The following RBBP7 variants were observed in gnomAD, a reference collection of about 807,000 sequenced individuals.
RBBP7 encodes RB binding protein 7, chromatin remodeling factor.
RBBP7 carries 5 observed loss-of-function variants against 35.2 expected under a neutral mutation model. The ratio of observed to expected loss-of-function variants is 0.14; its 90% confidence interval spans 0.07 to 0.30. RBBP7 has a LOEUF of 0.30. Among genes scored for constraint, RBBP7 ranks in the 10% least tolerant of loss-of-function variants. The pLI, the probability that RBBP7 is intolerant of heterozygous loss-of-function variation, is 1.00. For missense variants in RBBP7, 155 were observed against 327.5 expected, an observed-to-expected ratio of 0.47 and a Z score of 4.07; for synonymous variants, 140 against 118.7, an observed-to-expected ratio of 1.18 and a Z score of -1.17.
At chrX:16,864,153 GAC>G (rs751321152) in intron 2 of RBBP7, among the ~76,000 whole-genome samples, 1 of 108,884 alleles carries the variant, frequency 9.2e-6, no homozygotes, top group Non-Finnish European at 1.9e-5. Flanking sequence ...ATGGAGAAGA[GAC>G]ACACACACAC....
intron 3 of RBBP7, among the ~76,000 whole-genome samples, chrX:16,860,560 C>T (rs1046938223): frequency 2.8e-5 from 3 of 107,887 alleles, no homozygotes; most frequent in African/African-American, 3.4e-5. Context: ...TGGTGGCGGG[C>T]GCCTGTAGTC....
At chrX:16,863,488 ATCT>A (rs1930524613) in intron 2 of RBBP7, among the ~76,000 whole-genome samples, 1 of 111,962 alleles carries the variant, frequency 8.9e-6, no homozygotes, top group Admixed American at 9.5e-5. Flanking sequence ...ACCTAAAGAA[ATCT>A]TCTTCCCACC....
intron 8 of RBBP7, 46 bp from the exon 9 acceptor site, chrX:16,852,168 G>T: frequency 9.7e-7 from 1 of 1,030,446 alleles, no homozygotes; most frequent in Non-Finnish European, 1.4e-6. Context: ...ATCATCCGCT[G>T]CTAGGTTTGT....
intron 2 of RBBP7, among the ~76,000 whole-genome samples, chrX:16,865,097 A>G (rs1404206720): frequency 9.6e-6 from 1 of 103,960 alleles, no homozygotes. Context: ...AAAAGAATAA[A>G]TATTTGGCCG....
At chrX:16,869,769 A>G (rs2147533248) in intron 1 of RBBP7, 9 of 946,539 alleles carry the variant, frequency 9.5e-6, no homozygotes, top group Non-Finnish European at 9.2e-6. Context: ...CCCGGGGCCG[A>G]GGGCGCCGGA....
At chrX:16,852,009 C>T (rs1164753810) in intron 9 of RBBP7, 37 bp downstream of exon 9, 3 of 1,125,599 alleles carry the variant, frequency 2.7e-6, no homozygotes, top group Non-Finnish European at 3.7e-6. Context: ...CAGATAGGCA[C>T]ATTTATGCAG....
intron 3 of RBBP7, among the ~76,000 whole-genome samples, chrX:16,859,968 C>T (rs1167581193): frequency 9.0e-6 from 1 of 110,935 alleles, no homozygotes; most frequent in Admixed American, 9.6e-5. Flanking sequence ...TTGAAAAAAC[C>T]GTATCTCAAA....
At chrX:16,858,101 G>A (rs1033197690) in intron 4 of RBBP7, among the ~76,000 whole-genome samples, 9 of 111,244 alleles carry the variant, frequency 8.1e-5, no homozygotes, top group African/African-American at 2.9e-4. Context: ...AGTTCTTCAC[G>A]TCACTGACTG....
chrX:16,846,123 G>C, intron 10 of RBBP7, 185 bp from the exon 11 acceptor site: 1 of 696,412 alleles, frequency 1.4e-6, no homozygotes, highest in South Asian at 3.3e-5. Context: ...CTCCAGAATA[G>C]GTGACAGAAT....
Position 16,870,134 on chromosome X carries a change from G to C in RBBP7, c.-81C>G. The C allele has an allele frequency of 9.8e-7, 1 of 1,020,017 alleles. No homozygotes were observed. The highest frequency in any genetic ancestry group is 1.3e-6 in the Non-Finnish European group (1 of 790,269). 84.1% of individuals were successfully genotyped at this position (1,020,017 alleles called of 1,213,427 possible). ...GAGCAGCCCGACCGCTGGCGCTCCTGCCTTTCCCAAGCGCGTCACACTCCC... is the reference window on the plus strand; with the variant it reads ...GAGCAGCCCGACCGCTGGCGCTCCTCCCTTTCCCAAGCGCGTCACACTCCC... On this transcript the variant is annotated 5_prime_UTR_variant, in exon 1 of 12. Coordinates refer to ENST00000380087, the MANE Select transcript of RBBP7 (RefSeq NM_002893.4).
intron 5 of RBBP7, among the ~76,000 whole-genome samples, chrX:16,854,991 T>G (rs1442516113): frequency 1.8e-5 from 2 of 109,533 alleles, no homozygotes; most frequent in Non-Finnish European, 3.8e-5. Flanking sequence ...ATGGGTTTTT[T>G]TTTTTTTTTT....
chrX:16,851,430 T>G (rs1425677008), intron 9 of RBBP7, among the ~76,000 whole-genome samples: 1 of 112,200 alleles, frequency 8.9e-6, no homozygotes, highest in Non-Finnish European at 1.9e-5. Context: ...TTTATTAAGT[T>G]CTAAAGGCTC....
chrX:16,845,158 T>C, intron 11 of RBBP7, 55 bp from the exon 12 acceptor site: 1 of 859,910 alleles, frequency 1.2e-6, no homozygotes, highest in Non-Finnish European at 1.7e-6. Context: ...TTTCACATGG[T>C]CATGTAAAAA....
Position 16,870,237 on chromosome X carries a change from C to G in RBBP7, c.-184G>C, listed in dbSNP as rs1344662713. 1.7e-6 allele frequency: 1 copy of G among 595,138 alleles called. No individual in the cohort carries two copies. The highest frequency in any genetic ancestry group is 7.6e-5 in the Admixed American group (1 of 13,208). 49.0% of individuals were successfully genotyped at this position (595,138 alleles called of 1,213,427 possible). ...GCGTCCTTCTTTCCTGCCTCCTCCC[C>G]GCTCGCGGGTACCGAGGTCTGAGGC... On this transcript the variant is annotated 5_prime_UTR_variant, in exon 1 of 12. Transcript: ENST00000380087.
In RBBP7 at chrX:16,853,714, A is replaced by G. The variant is rs1930269700; in HGVS notation, c.726T>C (p.Phe242=). The G allele has an allele frequency of 8.5e-7, 1 of 1,175,265 alleles. No homozygotes were observed. Residue 242 remains phenylalanine (F), a synonymous_variant, in exon 6 of 12, where the codon TTT becomes TTC. Transcript: ENST00000380087. ...GTTTCTGATCATCAGCAACAGATCC[A>G]AACAATGACTCGTGCAGCAGGTGCC... ...VAWHLLHESL[F]GSVADDQKLM...
At chrX:16,869,540 T>G in intron 1 of RBBP7, 1 of 1,166,669 alleles carries the variant, frequency 8.6e-7, no homozygotes, top group African/African-American at 1.8e-5. Context: ...CGCGACCCAG[T>G]CGGGAAGACA....
At chrX:16,857,819 A>C in intron 4 of RBBP7, 110 bp from the exon 5 acceptor site, 1 of 1,058,868 alleles carries the variant, frequency 9.4e-7, no homozygotes, top group Non-Finnish European at 1.2e-6. Flanking sequence ...CACGAACGAG[A>C]TCTGGTCTTT....
chrX:16,846,058 A>G (rs1315007795), intron 10 of RBBP7, 120 bp from the exon 11 acceptor site: 2 of 1,069,568 alleles, frequency 1.9e-6, no homozygotes, highest in African/African-American at 3.8e-5. Flanking sequence ...GTCTGGTTTT[A>G]GAAGGTGGTA....
intron 1 of RBBP7, chrX:16,869,453 A>G: frequency 8.6e-7 from 1 of 1,157,042 alleles, no homozygotes; most frequent in Non-Finnish European, 1.2e-6. Context: ...AGTCAATTAC[A>G]CGGACATGGA....
Sources: gnomAD v4.1 joint callset for allele counts (sites outside exome capture counted in the v4.1 genomes callset) on GRCh38, gnomAD v4.1.1 for gene constraint, MANE v1.5 for transcripts, NCBI Gene and HGNC (gene_info 2026-07-23, HGNC 2026-07-21) for gene names.